Variants in ANK2 observed in about 807,000 individuals in gnomAD.
ANK2 encodes the protein ankyrin-2.
Under a neutral mutation model 360.5 loss-of-function variants are expected in ANK2, and 83 were observed. The ratio of observed to expected loss-of-function variants is 0.23; its 90% CI spans 0.19 to 0.28. ANK2 has a LOEUF of 0.28. ANK2 is among the 10% of genes least tolerant of loss of function. ANK2 has a pLI of 1.00. For synonymous variants in ANK2, 1,740 were observed against 1,759.5 expected, an observed-to-expected ratio of 0.99 and a Z score of 0.28; for missense variants, 4,201 against 4,795.7, an observed-to-expected ratio of 0.88 and a Z score of 3.66.
intron 2 of ANK2, among the ~76,000 whole-genome samples, chr4:112,996,373 A>G (rs2048510954): frequency 6.6e-6 from 1 of 152,172 alleles, no homozygotes. Flanking sequence ...TAAATCATCA[A>G]ATAGTACACT....
At chr4:113,309,781 A>G (rs2078982142) in intron 23 of ANK2, among the ~76,000 whole-genome samples, 1 of 152,118 alleles carries the variant, frequency 6.6e-6, no homozygotes, top group South Asian at 2.1e-4. Context: ...CGGCCTCCCA[A>G]AGTGCTGGGA....
intron 2 of ANK2, among the ~76,000 whole-genome samples, chr4:112,991,657 T>G (rs962135127): frequency 7.4e-6 from 1 of 134,586 alleles, no homozygotes; most frequent in Non-Finnish European, 1.6e-5. Context: ...AGGCTGAGAA[T>G]TTTCCAAATC....
chr4:113,289,215 CTT>C (rs33910138), intron 20 of ANK2, among the ~76,000 whole-genome samples: 100 of 132,260 alleles, frequency 7.6e-4, no homozygotes, highest in African/African-American at 2.1e-3. Context: ...ATTTCTTTTT[CTT>C]TTTTTTTTTT....
the ANK2 span, among the ~76,000 whole-genome samples, chr4:112,744,211 T>C: frequency 1.4e-4 from 22 of 152,316 alleles, no homozygotes; most frequent in Admixed American, 1.4e-3. Context: ...TTGTTTCTGA[T>C]TGAACATCTC....
intron 5 of ANK2, 107 bp from the exon 6 acceptor site, chr4:113,236,880 T>C (rs1346540253): frequency 1.7e-6 from 2 of 1,146,508 alleles, no homozygotes; most frequent in Non-Finnish European, 2.6e-6. Context: ...ATTTTATTCT[T>C]TTGGTTGTCA....
chr4:113,151,551 G>C (rs2154395983), intron 1 of ANK2, among the ~76,000 whole-genome samples: 1 of 152,168 alleles, frequency 6.6e-6, no homozygotes, highest in South Asian at 2.1e-4. Flanking sequence ...ATTCATGAGG[G>C]TCCACCCTCA....
chr4:113,074,887 G>A (rs2079225255), intron 1 of ANK2, among the ~76,000 whole-genome samples: 1 of 152,128 alleles, frequency 6.6e-6, no homozygotes, highest in African/African-American at 2.4e-5. Context: ...TTTTTCTCAT[G>A]TGCTACTCCT....
At chr4:113,212,928 A>G (rs1467293713) in intron 4 of ANK2, among the ~76,000 whole-genome samples, 2 of 152,234 alleles carry the variant, frequency 1.3e-5, no homozygotes, top group East Asian at 1.9e-4. Flanking sequence ...TTGTTTCACA[A>G]CCTCCTTAGA....
At chr4:113,022,889 A>G (rs1011791879) in intron 2 of ANK2, among the ~76,000 whole-genome samples, 1 of 152,214 alleles carries the variant, frequency 6.6e-6, no homozygotes, top group African/African-American at 2.4e-5. Context: ...AGATGTCTCT[A>G]TTATTGAAGT....
intron 2 of ANK2, chr4:112,904,578 G>T: frequency 8.2e-7 from 1 of 1,225,142 alleles, no homozygotes; most frequent in Non-Finnish European, 1.1e-6. Context: ...AGGTTAGAAT[G>T]TAATTAAGTA....
rs2094467650 is a variant in ANK2, at chr4:113,343,078, G to C, written c.4184G>C (p.Ser1395Thr). 6.2e-7 allele frequency: 1 copy of C among 1,613,722 alleles called. No homozygotes were observed. The change falls in exon 34 of 46, where the codon AGT (serine) becomes ACT (threonine). Residue 1395 changes from serine (S) to threonine (T), a missense_variant. Ser to Thr is a moderately conservative substitution (Grantham distance 58). Coordinates refer to ENST00000357077, the MANE Select transcript of ANK2 (RefSeq NM_001148.6). The stretch of plus-strand genomic sequence containing the variant: ...GGCAACTTGGTACCATTAACTAAAA[G>C]TGGCCAGCATCATATATTCAGTTTT... ...CFGNLVPLTK[S>T]GQHHIFSFFA...
intron 1 of ANK2, among the ~76,000 whole-genome samples, chr4:112,856,336 A>G (rs1428641391): frequency 1.3e-5 from 2 of 152,194 alleles, no homozygotes; most frequent in Admixed American, 6.5e-5. Flanking sequence ...ATTTTATTTA[A>G]ACCAATAGTT....
At chr4:112,990,285 T>C (rs1402330113) in intron 2 of ANK2, among the ~76,000 whole-genome samples, 2 of 151,802 alleles carry the variant, frequency 1.3e-5, no homozygotes, top group Admixed American at 6.6e-5. Context: ...AATAAAATAA[T>C]AATAATAATG....
intron 2 of ANK2, among the ~76,000 whole-genome samples, chr4:113,028,487 A>G (rs879003526): frequency 1.3e-5 from 2 of 152,196 alleles, no homozygotes; most frequent in Admixed American, 6.5e-5. Flanking sequence ...GATGTTTACT[A>G]TGCAGTCAGG....
At chr4:113,289,687 G>A (rs1315137750) in intron 20 of ANK2, among the ~76,000 whole-genome samples, 1 of 152,130 alleles carries the variant, frequency 6.6e-6, no homozygotes. Context: ...ACATAAGCAT[G>A]TTTATAGCTA....
chr4:113,137,973 T>C (rs1288405163), intron 1 of ANK2, among the ~76,000 whole-genome samples: 1 of 152,180 alleles, frequency 6.6e-6, no homozygotes, highest in African/African-American at 2.4e-5. Context: ...TCTGGAGTTT[T>C]TGATTGCTTA....
intron 1 of ANK2, among the ~76,000 whole-genome samples, chr4:112,859,127 G>A (rs999971059): frequency 2.6e-5 from 4 of 152,268 alleles, no homozygotes; most frequent in South Asian, 2.1e-4. Flanking sequence ...TACATCAAAA[G>A]GAGATTAAAC....
intron 1 of ANK2, among the ~76,000 whole-genome samples, chr4:112,891,009 T>G (rs1245215945): frequency 1.3e-5 from 2 of 152,234 alleles, no homozygotes; most frequent in African/African-American, 4.8e-5. Context: ...GAATAACTAA[T>G]CATCTATCTT....
At chr4:112,746,194 G>A in the ANK2 span, among the ~76,000 whole-genome samples, 1 of 151,996 alleles carries the variant, frequency 6.6e-6, no homozygotes, top group Non-Finnish European at 1.5e-5. Flanking sequence ...TCATCAAAAT[G>A]TACAAGAACT....
Sources: allele counts gnomAD v4.1 joint callset (sites outside exome capture counted in the v4.1 genomes callset), GRCh38; gene constraint gnomAD v4.1.1; transcripts MANE v1.5; gene names NCBI Gene and HGNC (gene_info 2026-07-23, HGNC 2026-07-21).